The following OPA1 variants were observed in gnomAD, a reference collection of about 807,000 sequenced individuals.
OPA1 encodes the protein dynamin-like GTPase OPA1, mitochondrial.
A neutral mutation model predicts 152.9 loss-of-function variants in OPA1; 59 were observed. That is an observed-to-expected ratio of 0.39 (90% CI 0.31 to 0.48). OPA1 has a LOEUF of 0.48. Among genes scored for constraint, OPA1 ranks in the 20% least tolerant of loss-of-function variants. The probability of loss-of-function intolerance (pLI) is 0.96; values close to 1 mark genes in which losing one functional copy is unlikely to be tolerated. For missense variants in OPA1, 1,008 were observed against 1,216.8 expected (o/e 0.83, Z 2.55); for synonymous variants, 400 against 389.9 (o/e 1.03, Z -0.31).
At chr3:193,650,183 A>G (rs189043991) in intron 21 of OPA1, among the ~76,000 whole-genome samples, 12 of 152,204 alleles carry the variant, frequency 7.9e-5, no homozygotes, top group African/African-American at 2.7e-4. Context: ...TTTATTTAAT[A>G]CAAAGGTAAC....
chr3:193,620,621 A>G (rs574603390), intron 6 of OPA1, among the ~76,000 whole-genome samples: 2 of 110,314 alleles, frequency 1.8e-5, no homozygotes, highest in African/African-American at 7.4e-5. Flanking sequence ...AGACTTACCA[A>G]TTTTTTTTTT....
At chr3:193,669,006 C>A in intron 29 of OPA1, 2 of 317,402 alleles carry the variant, frequency 6.3e-6, no homozygotes, top group Non-Finnish European at 9.2e-6. Context: ...TTTCTTTCAA[C>A]GTGTACTTAA....
Position 193,593,345 on chromosome 3 carries a change from T to G in OPA1, c.-33T>G. The G allele has an allele frequency of 1.3e-6, 2 of 1,540,012 alleles. No homozygotes were observed. The highest frequency in any genetic ancestry group is 1.8e-6 in the Non-Finnish European group (2 of 1,141,716). On this transcript the variant is annotated 5_prime_UTR_variant, in exon 1 of 31. Transcript: ENST00000361510. The stretch of plus-strand genomic sequence containing the variant: ...TCACACGGGGGCTCCCGCGTGGCCG[T>G]CTCGGCGCCTGCGTGACCTCCCCGC...
chr3:193,631,517 G>GT, intron 7 of OPA1, 95 bp from the exon 8 acceptor site: 1 of 843,890 alleles, frequency 1.2e-6, no homozygotes, highest in Non-Finnish European at 2.0e-6. Context: ...AAAGTCAGTT[G>GT]TTTTTAACTC....
intron 29 of OPA1, among the ~76,000 whole-genome samples, chr3:193,687,813 G>A (rs1387348480): frequency 2.0e-5 from 3 of 152,184 alleles, no homozygotes; most frequent in Non-Finnish European, 2.9e-5. Flanking sequence ...TATTTGTAAT[G>A]TAGCTTTCTT....
In OPA1 at chr3:193,676,720, C is replaced by T. The variant is rs182640426; in HGVS notation, c.2983+9440C>T. Among the ~76,000 whole-genome samples the T allele has an allele frequency of 5.9e-3, 893 of 152,228 alleles. 3 individuals carry two copies. Among genetic ancestry groups the T allele is most frequent in the Non-Finnish European group, 9.4e-3 (638 of 68,024 alleles). On this transcript the variant is annotated intron_variant, in intron 29 of 30. Coordinates refer to ENST00000361510, the MANE Select transcript of OPA1 (RefSeq NM_130837.3). ...TTGTGGCCGGGTGTGGTGGCTCACG[C>T]CTGTAATCCCAGCACTTTAGGAGGC...
At chr3:193,650,056 G>T (rs556963955) in intron 21 of OPA1, among the ~76,000 whole-genome samples, 1 of 152,138 alleles carries the variant, frequency 6.6e-6, no homozygotes, top group Non-Finnish European at 1.5e-5. Flanking sequence ...AGAAAATGTG[G>T]TCCTTCTATA....
At chr3:193,694,445 A>C (rs1393143336) in intron 30 of OPA1, among the ~76,000 whole-genome samples, 161 bp from the exon 31 acceptor site, 2 of 152,234 alleles carry the variant, frequency 1.3e-5, no homozygotes, top group Admixed American at 6.5e-5. Context: ...AATTATGCCA[A>C]TATTGTTAGG....
intron 30 of OPA1, 59 bp downstream of exon 30, chr3:193,692,191 T>C: frequency 2.2e-6 from 2 of 895,062 alleles, no homozygotes; most frequent in Non-Finnish European, 3.6e-6. Context: ...ACACTTTTCT[T>C]AATAGTTTAT....
At chr3:193,619,066 T>TA (rs1321373368) in intron 6 of OPA1, 130 bp downstream of exon 6, 1 of 753,046 alleles carries the variant, frequency 1.3e-6, no homozygotes, top group Non-Finnish European at 2.3e-6. Flanking sequence ...GAGATATCGT[T>TA]ACTAATCTTA....
intron 21 of OPA1, among the ~76,000 whole-genome samples, chr3:193,654,224 G>A (rs995901303): frequency 3.3e-5 from 5 of 152,118 alleles, no homozygotes; most frequent in East Asian, 1.9e-4. Context: ...TGCTAGATGC[G>A]GTGTCTCACA....
intron 1 of OPA1, among the ~76,000 whole-genome samples, chr3:193,598,122 A>G (rs1332503853): frequency 6.6e-6 from 1 of 152,184 alleles, no homozygotes; most frequent in African/African-American, 2.4e-5. Flanking sequence ...AAAAATAAAT[A>G]TGGGAGGAGA....
At position 193,697,707 on chromosome 3, in the gene OPA1, GTT is replaced by G. The variant is rs1256590434; in HGVS notation, c.*3108_*3109del. The G allele has an allele frequency of 6.6e-6, 1 of 152,162 alleles. No individual in the cohort carries two copies. Among genetic ancestry groups the G allele is most frequent in the African/African-American group, 2.4e-5 (1 of 41,436 alleles). The allele number at this position is 152,162 out of a possible 1,614,324, so 9.4% of individuals were successfully genotyped here. A position where few individuals can be genotyped will look rare whatever the true frequency, so the allele number is the denominator to read the frequency against. On this transcript the variant is annotated 3_prime_UTR_variant, in exon 31 of 31. Transcript: ENST00000361510. The stretch of plus-strand genomic sequence containing the variant: ...AATTTCACATGCCTTGCATTTCACA[GTT>G]GTACTCCATGGTCAACCGGTGCTTT...
rs1725706195 is a variant in OPA1, at chr3:193,596,956, A to G, written c.32+3547A>G. The G allele has an allele frequency of 1.3e-5, 2 of 152,240 alleles. 1 individual carries two copies. The highest frequency in any genetic ancestry group is 4.8e-5 in the African/African-American group (2 of 41,462). The allele number at this position is 152,240 out of a possible 1,614,324, so 9.4% of individuals were successfully genotyped here. A position where few individuals can be genotyped will look rare whatever the true frequency, so the allele number is the denominator to read the frequency against. On this transcript the variant is annotated intron_variant, in intron 1 of 30. Transcript: ENST00000361510. Reference sequence around the variant, plus strand: ...AAACTAAAGACGACTTGTGAGTTCCACACTGAGATCAAATAAGTCTTTATG... The same window carrying G: ...AAACTAAAGACGACTTGTGAGTTCCGCACTGAGATCAAATAAGTCTTTATG...
intron 26 of OPA1, among the ~76,000 whole-genome samples, chr3:193,664,088 A>G (rs1416418026): frequency 1.3e-5 from 2 of 152,014 alleles, no homozygotes; most frequent in African/African-American, 4.8e-5. Context: ...AATTGACTGT[A>G]TGTCTTAATT....
At chr3:193,634,375 T>C (rs1045547183) in intron 8 of OPA1, among the ~76,000 whole-genome samples, 2 of 152,078 alleles carry the variant, frequency 1.3e-5, no homozygotes, top group African/African-American at 4.8e-5. Flanking sequence ...TGTTTTTTTG[T>C]CAAGTAGTTG....
chr3:193,674,758 A>AC (rs1385966798), intron 29 of OPA1, among the ~76,000 whole-genome samples: 2 of 152,168 alleles, frequency 1.3e-5, no homozygotes, highest in Non-Finnish European at 2.9e-5. Context: ...TACCTGCCAT[A>AC]CCCTTGAGTG....
At chr3:193,632,820 A>G (rs751168271) in intron 8 of OPA1, among the ~76,000 whole-genome samples, 5 of 152,212 alleles carry the variant, frequency 3.3e-5, no homozygotes, top group Non-Finnish European at 5.9e-5. Context: ...ACTGTAAGCC[A>G]TGATTGCTCC....
At chr3:193,621,895 A>G (rs1730153375) in intron 6 of OPA1, among the ~76,000 whole-genome samples, 1 of 152,204 alleles carries the variant, frequency 6.6e-6, no homozygotes, top group African/African-American at 2.4e-5. Flanking sequence ...ATTGCTGTAT[A>G]TCAGTCATCA....
Sources: allele counts gnomAD v4.1 joint callset (sites outside exome capture counted in the v4.1 genomes callset), GRCh38; gene constraint gnomAD v4.1.1; transcripts MANE v1.5; gene names NCBI Gene and HGNC (gene_info 2026-07-23, HGNC 2026-07-21).